The following NAP1L4 variants were observed in gnomAD, a reference collection of about 807,000 sequenced individuals.
NAP1L4 encodes nucleosome assembly protein 1-like 4.
In NAP1L4, 15 loss-of-function variants were observed where a neutral mutation model predicts 58.2. The ratio of observed to expected loss-of-function variants is 0.26; its 90% CI spans 0.17 to 0.40. The LOEUF (loss-of-function observed/expected upper bound fraction) is 0.40, where lower values mean the gene tolerates loss of function less well. Ranked by LOEUF, NAP1L4 falls within the 10% of genes least tolerant of loss-of-function variation. NAP1L4 has a pLI of 1.00. For synonymous variants in NAP1L4, 171 were observed against 155.6 expected (o/e 1.10, Z -0.74); for missense variants, 384 against 451.1 (o/e 0.85, Z 1.35).
intron 8 of NAP1L4, chr11:2,960,119 G>A (rs1846781941): frequency 1.9e-6 from 1 of 527,670 alleles, no homozygotes; most frequent in Middle Eastern, 5.1e-4. Context: ...TTCAGTTCAT[G>A]AGTAAGGGGC....
chr11:2,957,791 G>A (rs534917863), intron 10 of NAP1L4, among the ~76,000 whole-genome samples: 8 of 152,250 alleles, frequency 5.3e-5, no homozygotes, highest in East Asian at 1.9e-4. Flanking sequence ...TGATTCTGCC[G>A]ATGTTTTTCA....
chr11:2,981,301 T>C (rs1259317380), intron 1 of NAP1L4, among the ~76,000 whole-genome samples: 1 of 148,584 alleles, frequency 6.7e-6, no homozygotes, highest in Non-Finnish European at 1.5e-5. Context: ...TCGCAGCTAC[T>C]TGAGAGGCTG....
At chr11:2,991,777 G>A (rs1475147703) in intron 1 of NAP1L4, 3 of 152,270 alleles carry the variant, frequency 2.0e-5, no homozygotes, top group Non-Finnish European at 4.4e-5. Context: ...TAATAAAGAA[G>A]TCCTGGACGT....
chr11:2,954,381 C>A lies in NAP1L4; in HGVS notation c.1035+146G>T. On this transcript the variant is annotated intron_variant, in intron 12 of 15. Transcript: ENST00000380542. The surrounding 1 kb of genome is among the most constrained non-coding windows in gnomAD (Gnocchi z 4.8). Reference sequence around the variant, plus strand: ...CTCTTCAAGCGTATTCCCCCCACAACAAGGACAGCAGCTTGGACTACATAT... The same window carrying A: ...CTCTTCAAGCGTATTCCCCCCACAAAAAGGACAGCAGCTTGGACTACATAT... 1 of 1,183,930 alleles carries A rather than the reference C, an allele frequency of 8.4e-7. No homozygotes were observed. Among genetic ancestry groups the A allele is most frequent in the Non-Finnish European group, 1.2e-6 (1 of 815,652 alleles). 73.3% of individuals were successfully genotyped at this position (1,183,930 alleles called of 1,614,324 possible). A position where few individuals can be genotyped will look rare whatever the true frequency, so the allele number is the denominator to read the frequency against.
rs117455119 is a variant in NAP1L4 at position 2,975,049 on chromosome 11, C to T, written c.173+975G>A. On this transcript the variant is annotated intron_variant, in intron 4 of 15. Coordinates refer to ENST00000380542, the MANE Select transcript of NAP1L4 (RefSeq NM_005969.4). ...AAATGTCCCCTTCTTGTCGTAATAG[C>T]CCTGGCAGTCCTGACTGGGGAAACC... is the stretch of plus-strand genomic sequence containing the variant. Among the ~76,000 whole-genome samples the T allele has an allele frequency of 9.6e-3, 1,464 of 151,892 alleles. 14 individuals carry two copies. The highest frequency in any genetic ancestry group is 0.014 in the Non-Finnish European group (945 of 67,948).
At chr11:2,960,428 G>A (rs913439862) in intron 8 of NAP1L4, among the ~76,000 whole-genome samples, 6 of 152,148 alleles carry the variant, frequency 3.9e-5, no homozygotes, top group Non-Finnish European at 7.3e-5. Context: ...AGGACAGAAA[G>A]CTCATCCCTC....
chr11:2,963,021 AT>A (rs1847026229), intron 8 of NAP1L4, among the ~76,000 whole-genome samples: 1 of 150,990 alleles, frequency 6.6e-6, no homozygotes, highest in Admixed American at 6.6e-5. Flanking sequence ...AATCGCTTGA[AT>A]CCAGGAGGCA....
rs1846051471 is a variant in NAP1L4, at chr11:2,948,413, T to TCATGGCAC, written c.*32+806_*32+813dup. 6.6e-6 allele frequency among the ~76,000 whole-genome samples: 1 copy of TCATGGCAC among 152,178 alleles called. No homozygotes were observed. The highest frequency in any genetic ancestry group is 1.5e-5 in the Non-Finnish European group (1 of 68,018). ...GGCCCTGCTATGGTTGTGGGGTTCCTCATGGCACCTCTTGTCCCCACCTCT... is the reference window on the plus strand; with the variant it reads ...GGCCCTGCTATGGTTGTGGGGTTCCTCATGGCACCATGGCACCTCTTGTCCCCACCTCT... On this transcript the variant is annotated intron_variant, in intron 15 of 15. Coordinates refer to ENST00000380542, the MANE Select transcript of NAP1L4 (RefSeq NM_005969.4). The surrounding 1 kb of genome is among the most constrained non-coding windows in gnomAD (Gnocchi z 5.1).
At chr11:2,967,593 A>G (rs1847361513) in intron 7 of NAP1L4, among the ~76,000 whole-genome samples, 1 of 151,200 alleles carries the variant, frequency 6.6e-6, no homozygotes, top group African/African-American at 2.4e-5. Context: ...CCTGGGCGAC[A>G]GAGCGAGACT....
chr11:2,954,225 A>G lies in NAP1L4; in HGVS notation c.1035+302T>C. 4.5e-6 allele frequency: 2 copies of G among 448,750 alleles called. No homozygotes were observed. Among genetic ancestry groups the G allele is most frequent in the South Asian group, 5.4e-5 (2 of 36,982 alleles). 27.8% of individuals were successfully genotyped at this position (448,750 alleles called of 1,614,324 possible). A position where few individuals can be genotyped will look rare whatever the true frequency, so the allele number is the denominator to read the frequency against. ...AAAAGAGATATTCCCTGTGTTCACA[A>G]GTTCCCTGAAGCTTAGGTTTTGAGA... On this transcript the variant is annotated intron_variant, in intron 12 of 15. Transcript: ENST00000380542. The surrounding 1 kb of genome is among the most constrained non-coding windows in gnomAD (Gnocchi z 4.8).
intron 2 of NAP1L4, 58 bp downstream of exon 2, chr11:2,979,149 G>A (rs1848150507): frequency 6.5e-7 from 1 of 1,532,998 alleles, no homozygotes; most frequent in Non-Finnish European, 8.9e-7. Context: ...AAAATGGCTT[G>A]GCTGTTGCTC....
intron 1 of NAP1L4, chr11:2,990,125 T>C (rs1460834782): frequency 7.9e-6 from 1 of 126,222 alleles, no homozygotes; most frequent in African/African-American, 3.5e-5. Flanking sequence ...TTCACAAAAG[T>C]GTTATATGTG....
At position 2,964,664 on chromosome 11, in the gene NAP1L4, T is replaced by C. The variant is rs1847152309; in HGVS notation, c.606+16A>G. The C allele has an allele frequency of 6.2e-7, 1 of 1,607,606 alleles. No homozygotes were observed. The highest frequency in any genetic ancestry group is 8.5e-7 in the Non-Finnish European group (1 of 1,175,430). On this transcript the variant is annotated intron_variant, in intron 8 of 15. Coordinates refer to ENST00000380542, the MANE Select transcript of NAP1L4 (RefSeq NM_005969.4). ...ACCCTGTCTGATGCCAACCAGAAGG[T>C]CAAGTCAGTACTCACCATAGGCTGT...
intron 6 of NAP1L4, 64 bp from the exon 7 acceptor site, chr11:2,969,998 G>A (rs891617280): frequency 3.5e-5 from 53 of 1,502,332 alleles, no homozygotes; most frequent in East Asian, 9.3e-5. Flanking sequence ...GCGGCTTCAC[G>A]TAGAATATCG....
Position 2,971,367 on chromosome 11 carries a change from T to C in NAP1L4, c.402+81A>G. 1 of 1,233,698 alleles carries C rather than the reference T, an allele frequency of 8.1e-7. No individual in the cohort carries two copies. Among genetic ancestry groups the C allele is most frequent in the South Asian group, 1.3e-5 (1 of 78,014 alleles). The allele number at this position is 1,233,698 out of a possible 1,614,324, so 76.4% of individuals were successfully genotyped here. A position where few individuals can be genotyped will look rare whatever the true frequency, so the allele number is the denominator to read the frequency against. On this transcript the variant is annotated intron_variant, in intron 6 of 15. Transcript: ENST00000380542. The surrounding 1 kb of genome is among the most constrained non-coding windows in gnomAD (Gnocchi z 4.2). ...TACTGTTAGAAGCACATAAGTTTAC[T>C]AGTCATTAAAAATCATTAAAAAATG... is the stretch of plus-strand genomic sequence containing the variant.
In NAP1L4 at chr11:2,945,433, A is replaced by G; in HGVS notation, c.*246T>C. 1 of 629,032 alleles carries G rather than the reference A, an allele frequency of 1.6e-6. No homozygotes were observed. The highest frequency in any genetic ancestry group is 2.7e-6 in the Non-Finnish European group (1 of 366,298). The allele number at this position is 629,032 out of a possible 1,614,324, so 39.0% of individuals were successfully genotyped here. A position where few individuals can be genotyped will look rare whatever the true frequency, so the allele number is the denominator to read the frequency against. On this transcript the variant is annotated 3_prime_UTR_variant, in exon 16 of 16. Coordinates refer to ENST00000380542, the MANE Select transcript of NAP1L4 (RefSeq NM_005969.4). The stretch of plus-strand genomic sequence containing the variant: ...TGAAATGCATTTCAGTTGCCACTGT[A>G]CAAGTTAAGCAAAATAATAAGGAAA...
At chr11:2,985,596 A>G (rs1039021106) in intron 1 of NAP1L4, among the ~76,000 whole-genome samples, 7 of 152,256 alleles carry the variant, frequency 4.6e-5, no homozygotes, top group African/African-American at 1.7e-4. Flanking sequence ...CAGAATCAGT[A>G]TACCACCTAA....
In NAP1L4 at chr11:2,951,846, A is replaced by G; in HGVS notation, c.1036-37T>C. The stretch of plus-strand genomic sequence containing the variant: ...CAGAAAAACATTTTTAGGTTTACAA[A>G]ACATGACAGCAGCCTGCCCAAGACA... On this transcript the variant is annotated intron_variant, in intron 12 of 15. Transcript: ENST00000380542. This position sits in a 1 kb window ranked among gnomAD's most constrained non-coding sequence, Gnocchi z 4.0. 1 of 1,605,666 alleles carries G rather than the reference A, an allele frequency of 6.2e-7. No individual in the cohort carries two copies. The highest frequency in any genetic ancestry group is 8.5e-7 in the Non-Finnish European group (1 of 1,172,704).
intron 4 of NAP1L4, among the ~76,000 whole-genome samples, chr11:2,975,427 C>G (rs1043163684): frequency 1.3e-5 from 2 of 152,050 alleles, no homozygotes; most frequent in African/African-American, 4.8e-5. Flanking sequence ...GCACATAGGC[C>G]TCTCTTAAGA....
Sources: gnomAD v4.1 joint callset for allele counts (sites outside exome capture counted in the v4.1 genomes callset) on GRCh38, gnomAD v4.1.1 for gene constraint, Gnocchi (gnomAD v3.1) non-coding constraint, MANE v1.5 for transcripts, NCBI Gene and HGNC (gene_info 2026-07-23, HGNC 2026-07-21) for gene names.